The following PINX1 variants were observed in gnomAD, a reference collection of about 807,000 sequenced individuals.
PINX1 encodes the protein PIN2 (TERF1) interacting telomerase inhibitor 1.
A neutral mutation model predicts 25.4 loss-of-function variants in PINX1; 34 were observed. The observed-to-expected ratio is 1.34, with a 90% CI of 1.02 to 1.78. The LOEUF (loss-of-function observed/expected upper bound fraction) is 1.78, where lower values mean the gene tolerates loss of function less well. Among genes scored for constraint, PINX1 ranks in the 40% most tolerant of loss-of-function variants. The pLI, the probability that PINX1 is intolerant of heterozygous loss-of-function variation, is 0.00. For missense variants in PINX1, 592 were observed against 404.9 expected, an observed-to-expected ratio of 1.46 and a Z score of -3.97; for synonymous variants, 197 against 147.7, an observed-to-expected ratio of 1.33 and a Z score of -2.42.
At chr8:10,797,179 C>CT (rs975467687) in intron 6 of PINX1, among the ~76,000 whole-genome samples, 2 of 152,170 alleles carry the variant, frequency 1.3e-5, no homozygotes, top group African/African-American at 4.8e-5. Flanking sequence ...GCTCACTAGT[C>CT]TGAGTCTTCA....
chr8:10,766,047 C>T (rs1009640214), intron 6 of PINX1, 131 bp from the exon 7 acceptor site: 20 of 825,960 alleles, frequency 2.4e-5, no homozygotes, highest in Admixed American at 6.7e-5. Flanking sequence ...CACCCACACC[C>T]GGCACTTAGG....
intron 6 of PINX1, among the ~76,000 whole-genome samples, chr8:10,772,639 C>G (rs1801264272): frequency 6.6e-6 from 1 of 152,182 alleles, no homozygotes; most frequent in South Asian, 2.1e-4. Context: ...CTGGGAGACA[C>G]AATCAGTTTT....
At chr8:10,826,322 G>T (rs1469889664) in intron 4 of PINX1, 78 bp from the exon 5 acceptor site, 26 of 746,852 alleles carry the variant, frequency 3.5e-5, no homozygotes, top group Middle Eastern at 3.6e-4. Flanking sequence ...GGATAGTCTT[G>T]AAAGAAAATT....
chr8:10,837,926 T>C (rs910518758), intron 1 of PINX1, among the ~76,000 whole-genome samples: 2 of 152,206 alleles, frequency 1.3e-5, no homozygotes, highest in African/African-American at 4.8e-5. Flanking sequence ...ACGTTAGAAC[T>C]TAAAGGAAGC....
chr8:10,824,332 A>C (rs1797970165), intron 5 of PINX1, among the ~76,000 whole-genome samples: 1 of 152,122 alleles, frequency 6.6e-6, no homozygotes, highest in Non-Finnish European at 1.5e-5. Flanking sequence ...TAGCTGATAA[A>C]CCATTCTTTT....
intron 6 of PINX1, among the ~76,000 whole-genome samples, chr8:10,786,482 A>T (rs896805225): frequency 2.6e-5 from 4 of 152,172 alleles, no homozygotes; most frequent in African/African-American, 9.7e-5. Flanking sequence ...ACCCTGAGAA[A>T]GAAAGAAAAA....
chr8:10,820,163 G>T, intron 6 of PINX1, 30 bp downstream of exon 6: 1 of 1,367,542 alleles, frequency 7.3e-7, no homozygotes, highest in Non-Finnish European at 1.0e-6. Flanking sequence ...GTATTAAAGC[G>T]GAACACGGAA....
At chr8:10,782,431 ATT>A (rs35399971) in intron 6 of PINX1, among the ~76,000 whole-genome samples, 2 of 149,546 alleles carry the variant, frequency 1.3e-5, no homozygotes, top group African/African-American at 2.5e-5. Flanking sequence ...AAAAAAAAAA[ATT>A]TTTTTTTTTA....
intron 6 of PINX1, among the ~76,000 whole-genome samples, chr8:10,799,357 G>C (rs568803029): frequency 6.6e-6 from 1 of 152,240 alleles, no homozygotes; most frequent in African/African-American, 2.4e-5. Flanking sequence ...TTTTACAAGC[G>C]AACAGTTCTC....
In PINX1 at chr8:10,839,777, G is replaced by C. The variant is rs767140152; in HGVS notation, c.-21C>G. ...GACATGTCGGAGAGCCTGTGATACC[G>C]CCGCCTCTGGACCTGGGTGACTGCG... On this transcript the variant is annotated 5_prime_UTR_variant, in exon 1 of 7. Coordinates refer to ENST00000314787, the MANE Select transcript of PINX1 (RefSeq NM_017884.6). 1.3e-6 allele frequency: 2 copies of C among 1,598,834 alleles called. No homozygotes were observed. The highest frequency in any genetic ancestry group is 1.3e-5 in the African/African-American group (1 of 74,708).
chr8:10,777,400 G>C (rs992363181), intron 6 of PINX1, among the ~76,000 whole-genome samples: 18 of 152,322 alleles, frequency 1.2e-4, no homozygotes, highest in Admixed American at 3.9e-4. Flanking sequence ...TCTTGTCCTA[G>C]GACAGGAAAA....
chr8:10,794,880 G>C (rs1459170334), intron 6 of PINX1, among the ~76,000 whole-genome samples: 1 of 152,210 alleles, frequency 6.6e-6, no homozygotes, highest in Non-Finnish European at 1.5e-5. Flanking sequence ...CCCAGGAACA[G>C]AAAGACCATT....
intron 6 of PINX1, among the ~76,000 whole-genome samples, chr8:10,777,532 G>T (rs1265910501): frequency 6.6e-6 from 1 of 152,220 alleles, no homozygotes; most frequent in Non-Finnish European, 1.5e-5. Flanking sequence ...AATGAACGAA[G>T]CTAGTTGAAG....
intron 6 of PINX1, among the ~76,000 whole-genome samples, chr8:10,819,516 T>C (rs562715394): frequency 2.6e-5 from 4 of 152,326 alleles, no homozygotes; most frequent in East Asian, 3.9e-4. Context: ...ATAATCCTAA[T>C]ATATCTCAAA....
At chr8:10,803,351 C>G (rs181460839) in intron 6 of PINX1, among the ~76,000 whole-genome samples, 9 of 152,154 alleles carry the variant, frequency 5.9e-5, no homozygotes, top group African/African-American at 2.2e-4. Context: ...GCATCTAATG[C>G]GATCTATCAT....
chr8:10,807,859 T>C (rs1172382984), intron 6 of PINX1, among the ~76,000 whole-genome samples: 1 of 152,040 alleles, frequency 6.6e-6, no homozygotes, highest in African/African-American at 2.4e-5. Context: ...GCCAGGGAAA[T>C]GGCCGAGCCA....
At chr8:10,809,199 C>T (rs867567286) in intron 6 of PINX1, among the ~76,000 whole-genome samples, 2 of 152,170 alleles carry the variant, frequency 1.3e-5, no homozygotes, top group South Asian at 4.1e-4. Flanking sequence ...GAAGATAAAT[C>T]AAAAGAGCTC....
chr8:10,799,687 G>C (rs778031998), intron 6 of PINX1, among the ~76,000 whole-genome samples: 12 of 152,332 alleles, frequency 7.9e-5, no homozygotes, highest in African/African-American at 2.9e-4. Flanking sequence ...GGGTGCAGTA[G>C]ACAGAACCAC....
At chr8:10,776,252 C>T (rs956578190) in intron 6 of PINX1, among the ~76,000 whole-genome samples, 2 of 151,906 alleles carry the variant, frequency 1.3e-5, no homozygotes, top group Admixed American at 6.6e-5. Context: ...ATGGCAAAAC[C>T]GCATCTCTAC....
Sources: allele counts gnomAD v4.1 joint callset (sites outside exome capture counted in the v4.1 genomes callset), GRCh38; gene constraint gnomAD v4.1.1; transcripts MANE v1.5; gene names NCBI Gene and HGNC (gene_info 2026-07-23, HGNC 2026-07-21).